LEMD3: variants seen among roughly 807,000 people sequenced by gnomAD.
LEMD3 encodes the protein inner nuclear membrane protein Man1.
Under a neutral mutation model 95.2 loss-of-function variants are expected in LEMD3, and 33 were observed. The ratio of observed to expected loss-of-function variants is 0.35; its 90% CI spans 0.26 to 0.46. The LOEUF is 0.46. Among genes scored for constraint, LEMD3 ranks in the 20% least tolerant of loss-of-function variants. The probability of loss-of-function intolerance (pLI) is 1.00; values close to 1 mark genes in which losing one functional copy is unlikely to be tolerated. For missense variants in LEMD3, 1,210 were observed against 1,192.8 expected, an observed-to-expected ratio of 1.01 and a Z score of -0.21; for synonymous variants, 525 against 474.6, an observed-to-expected ratio of 1.11 and a Z score of -1.38.
At chr12:65,171,255 T>C (rs1868542676) in intron 1 of LEMD3, 137 bp downstream of exon 1, 11 of 1,451,730 alleles carry the variant, frequency 7.6e-6, no homozygotes, top group Non-Finnish European at 9.3e-6. Flanking sequence ...AGTGCGTGCA[T>C]GTGTCATCTT....
intron 4 of LEMD3, among the ~76,000 whole-genome samples, chr12:65,228,617 C>T (rs947310731): frequency 2.6e-5 from 4 of 152,100 alleles, no homozygotes; most frequent in African/African-American, 7.2e-5. Context: ...AGGATGGTCT[C>T]GATCTCCTGA....
rs567928632 is a variant in LEMD3, at chr12:65,170,546, C to G, written c.950C>G (p.Ala317Gly). ...TCAGTTCAGGGAGGGGGAGGACTCG[C>G]GATGAATGACAGGGCGGCGGCTGCC... ...ETSVQGGGGL[A>G]MNDRAAAAGS... Residue 317 changes from alanine to glycine, a missense_variant, in exon 1 of 13, where the codon GCG becomes GGG. Coordinates refer to ENST00000308330, the MANE Select transcript of LEMD3 (RefSeq NM_014319.5). 1.9e-6 allele frequency: 3 copies of G among 1,614,044 alleles called. No individual in the cohort carries two copies. In the Admixed American group the frequency reaches 5.0e-5, roughly 27 times the overall value.
Position 65,246,350 on chromosome 12 carries a change from CTG to C in LEMD3, c.*27_*28del, listed in dbSNP as rs1871106471. 1 of 1,578,232 alleles carries C rather than the reference CTG, an allele frequency of 6.3e-7. No individual in the cohort carries two copies. The highest frequency in any genetic ancestry group is 8.7e-7 in the Non-Finnish European group (1 of 1,148,956). ...AAAAGATTTTCTTCCATTTCTAAGA[CTG>C]TTATTTACAATAGGAAAATTCCTGT... On this transcript the variant is annotated 3_prime_UTR_variant, in exon 13 of 13. Transcript: ENST00000308330.
rs1291841471 is a variant in LEMD3, at chr12:65,169,622, C to T, written c.26C>T (p.Pro9Leu). Residue 9 changes from proline (P) to leucine (L), a missense_variant, in exon 1 of 13, where the codon CCT (proline) becomes CTT (leucine). Pro to Leu is a moderately conservative substitution (Grantham distance 98). Around this residue, in one of 2 missense-constraint regions of LEMD3, gnomAD observed 749 missense variants for 622.9 expected, o/e 1.20. Transcript: ENST00000308330. ...ATGGCGGCGGCAGCAGCTTCGGCGCCTCAGCAGCTCTCGGATGAGGAGCTT... is the reference window on the plus strand; with the variant it reads ...ATGGCGGCGGCAGCAGCTTCGGCGCTTCAGCAGCTCTCGGATGAGGAGCTT... MAAAAASA[P>L]QQLSDEELFS... The T allele has an allele frequency of 1.3e-6, 2 of 1,588,662 alleles. No individual in the cohort carries two copies. The highest frequency in any genetic ancestry group is 1.7e-6 in the Non-Finnish European group (2 of 1,169,782).
At position 65,169,887 on chromosome 12, in the gene LEMD3, C is replaced by G. The variant is rs979203960; in HGVS notation, c.291C>G (p.Asp97Glu). ...AGMGVRPVSG[D>E]LSYLRTPGGL... is the part of the protein sequence containing the mutation. The stretch of plus-strand genomic sequence containing the variant: ...TGGGGGTCCGGCCGGTCTCGGGCGA[C>G]CTCTCCTACTTACGGACTCCTGGGG... The change falls in exon 1 of 13, where the codon GAC (aspartate) becomes GAG (glutamate). Residue 97 changes from aspartate to glutamate, a missense_variant. Asp to Glu is a conservative substitution (Grantham distance 45). This residue lies in a region of LEMD3 where 749 missense variants were observed against 622.9 expected (regional missense o/e 1.20). Coordinates refer to ENST00000308330, the MANE Select transcript of LEMD3 (RefSeq NM_014319.5). 2.1e-6 allele frequency: 3 copies of G among 1,453,300 alleles called. No individual in the cohort carries two copies. The East Asian group carries it at 7.6e-5, about 37-fold the overall frequency. The allele number at this position is 1,453,300 out of a possible 1,614,324, so 90.0% of individuals were successfully genotyped here.
chr12:65,205,624 A>C (rs1461015457), intron 1 of LEMD3, among the ~76,000 whole-genome samples: 1 of 152,170 alleles, frequency 6.6e-6, no homozygotes, highest in African/African-American at 2.4e-5. Flanking sequence ...TGCCTCTCAA[A>C]CAAGGACAGG....
rs1868471232 is a variant in LEMD3, at chr12:65,170,083, G to C, written c.487G>C (p.Ala163Pro). 9.4e-6 allele frequency: 14 copies of C among 1,485,548 alleles called. No homozygotes were observed. The highest frequency in any genetic ancestry group is 1.2e-5 in the Non-Finnish European group (13 of 1,127,744). 92.0% of individuals were successfully genotyped at this position (1,485,548 alleles called of 1,614,324 possible). A position where few individuals can be genotyped will look rare whatever the true frequency, so the allele number is the denominator to read the frequency against. The change falls in exon 1 of 13, where the codon GCT (alanine) becomes CCT (proline). Residue 163 changes from alanine (A) to proline (P), a missense_variant. This residue lies in a region of LEMD3 where 749 missense variants were observed against 622.9 expected (regional missense o/e 1.20). Coordinates refer to ENST00000308330, the MANE Select transcript of LEMD3 (RefSeq NM_014319.5). ...CGGCGGCGGCGGGAGGAAAGACCGG[G>C]CTTCGCTCCAGTACCGCGGGCTCAA... Reference protein sequence around the residue: ...QAGGGGRKDRASLQYRGLKAP... With the variant: ...QAGGGGRKDRPSLQYRGLKAP...
chr12:65,176,553 A>G (rs1455614738), intron 1 of LEMD3, among the ~76,000 whole-genome samples: 1 of 152,182 alleles, frequency 6.6e-6, no homozygotes. Flanking sequence ...AAAGTATTAT[A>G]TTTGTGTGTC....
At position 65,170,839 on chromosome 12, in the gene LEMD3, G is replaced by C. The variant is rs754487253; in HGVS notation, c.1243G>C (p.Ala415Pro). The part of the protein sequence containing the change: ...IYSNSLPPSA[A>P]VAASSSLRIN... ...TTCTAACAGTCTCCCTCCCAGTGCG[G>C]CGGTGGCCGCCTCTAGTTCACTCAG... The change falls in exon 1 of 13, where the codon GCG becomes CCG. Residue 415 changes from alanine (A) to proline (P), a missense_variant. Transcript: ENST00000308330. The C allele has an allele frequency of 6.2e-6, 10 of 1,614,092 alleles. No individual in the cohort carries two copies. The highest frequency in any genetic ancestry group is 8.5e-6 in the Non-Finnish European group (10 of 1,180,048).
intron 1 of LEMD3, among the ~76,000 whole-genome samples, chr12:65,193,166 C>T (rs12303749): frequency 4.6e-5 from 7 of 152,090 alleles, no homozygotes; most frequent in Middle Eastern, 3.4e-3. Flanking sequence ...AGAAAGAATT[C>T]GACTGAGAGG....
chr12:65,221,814 C>G (rs896759690), intron 4 of LEMD3, among the ~76,000 whole-genome samples: 1 of 149,368 alleles, frequency 6.7e-6, no homozygotes, highest in African/African-American at 2.5e-5. Flanking sequence ...GATCTCTGCT[C>G]AATACAACCT....
chr12:65,170,192 C>A lies in LEMD3; in HGVS notation c.596C>A (p.Ala199Asp). ...AGGAAGCCCCACTCGTGGTGGGGGG[C>A]CAGGAGGCCGGCGGGCCCCGAGCTG... ...ERRKPHSWWG[A>D]RRPAGPELQT... The change falls in exon 1 of 13, where the codon GCC becomes GAC. Residue 199 changes from alanine (A) to aspartate (D), a missense_variant. Transcript: ENST00000308330. The A allele has an allele frequency of 2.0e-6, 3 of 1,503,704 alleles. No homozygotes were observed. Among genetic ancestry groups the A allele is most frequent in the East Asian group, 2.3e-5 (1 of 42,644 alleles). The allele number at this position is 1,503,704 out of a possible 1,614,324, so 93.1% of individuals were successfully genotyped here. A position where few individuals can be genotyped will look rare whatever the true frequency, so the allele number is the denominator to read the frequency against.
Position 65,212,362 on chromosome 12 carries a change from G to A in LEMD3, c.1560+1399G>A, listed in dbSNP as rs11175682. 9.2e-5 allele frequency among the ~76,000 whole-genome samples: 14 copies of A among 152,004 alleles called. No individual in the cohort carries two copies. The East Asian group carries it at 1.2e-3, about 13-fold the overall frequency. ...CATTATTATTTAATCAAAGGCATAA[G>A]GCAAACAGTTTAAAATATCCTTGAA... On this transcript the variant is annotated intron_variant, in intron 2 of 12. Transcript: ENST00000308330.
At chr12:65,188,476 A>G (rs1869134868) in intron 1 of LEMD3, among the ~76,000 whole-genome samples, 1 of 152,138 alleles carries the variant, frequency 6.6e-6, no homozygotes, top group African/African-American at 2.4e-5. Flanking sequence ...GTAAGACAAA[A>G]CATAAGTGGA....
intron 1 of LEMD3, among the ~76,000 whole-genome samples, chr12:65,188,720 A>G (rs918085642): frequency 5.9e-5 from 9 of 152,148 alleles, no homozygotes; most frequent in African/African-American, 2.2e-4. Context: ...TTCTGTCACC[A>G]TTATAGTGAC....
chr12:65,238,888 T>G, intron 6 of LEMD3, 74 bp downstream of exon 6: 2 of 1,458,792 alleles, frequency 1.4e-6, no homozygotes, highest in Non-Finnish European at 1.9e-6. Flanking sequence ...ATGCCAGAGT[T>G]GAGAATTCAT....
intron 2 of LEMD3, among the ~76,000 whole-genome samples, chr12:65,213,080 G>T (rs1172472878): frequency 6.8e-6 from 1 of 146,286 alleles, no homozygotes; most frequent in African/African-American, 2.8e-5. Context: ...GACAGAGCAA[G>T]ACTGTAAAGA....
Position 65,243,428 on chromosome 12 carries a change from G to T in LEMD3, c.2346G>T (p.Leu782Phe). ...GAAGAAATTCACCACCAAATAGTTTGACACCGTGTCTAAAGATTCGGAATA... is the reference window on the plus strand; with the variant it reads ...GAAGAAATTCACCACCAAATAGTTTTACACCGTGTCTAAAGATTCGGAATA... ...LDRRNSPPNS[L>F]TPCLKIRNMF... Residue 782 changes from leucine to phenylalanine, a missense_variant, in exon 10 of 13, where the codon TTG becomes TTT. Around this residue, in one of 2 missense-constraint regions of LEMD3, gnomAD observed 461 missense variants for 569.8 expected, o/e 0.81. Transcript: ENST00000308330. 2 of 1,605,100 alleles carry T rather than the reference G, an allele frequency of 1.2e-6. No individual in the cohort carries two copies. Among genetic ancestry groups the T allele is most frequent in the South Asian group, 2.2e-5 (2 of 90,836 alleles).
intron 4 of LEMD3, among the ~76,000 whole-genome samples, chr12:65,234,782 T>C (rs1326728481): frequency 6.6e-6 from 1 of 152,198 alleles, no homozygotes; most frequent in Non-Finnish European, 1.5e-5. Context: ...TTTTTAGATC[T>C]GTAGGTGTCT....
Sources: gnomAD v4.1 joint callset for allele counts (sites outside exome capture counted in the v4.1 genomes callset) on GRCh38, gnomAD v4.1.1 for gene constraint, gnomAD v4.1.1 regional missense constraint, MANE v1.5 for transcripts, NCBI Gene and HGNC (gene_info 2026-07-23, HGNC 2026-07-21) for gene names.